NR6A1: variants seen among roughly 807,000 people sequenced by gnomAD.
NR6A1 encodes the protein nuclear receptor subfamily 6 group A member 1.
Under a neutral mutation model 59.1 loss-of-function variants are expected in NR6A1, and 7 were observed. The observed-to-expected ratio is 0.12, with a 90% CI of 0.07 to 0.22. The LOEUF is 0.22. NR6A1 is among the 10% of genes least tolerant of loss of function. The pLI is 1.00. For synonymous variants in NR6A1, 243 were observed against 236.1 expected (o/e 1.03, Z -0.27); for missense variants, 468 against 611.6 (o/e 0.77, Z 2.48).
At chr9:124,737,555 C>G (rs1278249602) in intron 1 of NR6A1, among the ~76,000 whole-genome samples, 1 of 152,206 alleles carries the variant, frequency 6.6e-6, no homozygotes. Context: ...CAAAGGCAAT[C>G]AGAGTTGTTC....
At chr9:124,561,962 C>T (rs930158717) in intron 2 of NR6A1, among the ~76,000 whole-genome samples, 4 of 152,138 alleles carry the variant, frequency 2.6e-5, no homozygotes, top group South Asian at 4.1e-4. Flanking sequence ...ATGTTATTAG[C>T]ACCAGTCAGC....
At chr9:124,714,563 AAAAT>A (rs1408953866) in intron 2 of NR6A1, among the ~76,000 whole-genome samples, 1 of 152,224 alleles carries the variant, frequency 6.6e-6, no homozygotes, top group African/African-American at 2.4e-5. Context: ...TGCAATAAGA[AAAAT>A]AAATAAGTCA....
At chr9:124,624,184 A>G (rs1038188331) in intron 2 of NR6A1, among the ~76,000 whole-genome samples, 6 of 152,190 alleles carry the variant, frequency 3.9e-5, no homozygotes, top group African/African-American at 1.4e-4. Context: ...GGTGACTCAC[A>G]GGGGCAAGAG....
intron 2 of NR6A1, among the ~76,000 whole-genome samples, chr9:124,565,484 A>T (rs10114038): frequency 6.6e-6 from 1 of 152,112 alleles, no homozygotes; most frequent in African/African-American, 2.4e-5. Flanking sequence ...AGCAGCACTA[A>T]CCATAGAAGA....
intron 6 of NR6A1, among the ~76,000 whole-genome samples, chr9:124,537,005 A>G (rs1167124425): frequency 2.0e-5 from 3 of 152,162 alleles, no homozygotes; most frequent in Admixed American, 6.5e-5. Context: ...CACAGACCCA[A>G]GAGTTTCAGC....
At chr9:124,633,334 C>T (rs1438686763) in intron 2 of NR6A1, among the ~76,000 whole-genome samples, 4 of 138,586 alleles carry the variant, frequency 2.9e-5, no homozygotes, top group Non-Finnish European at 6.0e-5. Context: ...ACCCGGGAGG[C>T]GGAGCTTGCA....
intron 2 of NR6A1, among the ~76,000 whole-genome samples, chr9:124,608,844 T>G (rs781602880): frequency 1.6e-4 from 24 of 152,322 alleles, no homozygotes; most frequent in Admixed American, 1.3e-3. Flanking sequence ...TTCTGACTGG[T>G]GTGAGATGGT....
intron 2 of NR6A1, among the ~76,000 whole-genome samples, chr9:124,657,208 G>A (rs1171138599): frequency 3.3e-5 from 5 of 152,090 alleles, no homozygotes; most frequent in African/African-American, 7.2e-5. Flanking sequence ...TAAGACAAGA[G>A]AATAATTCTG....
At chr9:124,725,529 G>C (rs946710251) in intron 2 of NR6A1, among the ~76,000 whole-genome samples, 12 of 152,192 alleles carry the variant, frequency 7.9e-5, no homozygotes, top group South Asian at 2.1e-4. Context: ...AATTAGCAAC[G>C]AAGTATTTCC....
At chr9:124,530,299 C>T (rs1442892594) in intron 7 of NR6A1, among the ~76,000 whole-genome samples, 1 of 152,190 alleles carries the variant, frequency 6.6e-6, no homozygotes, top group African/African-American at 2.4e-5. Context: ...AGCCTAGCAG[C>T]CCCCACTCAG....
intron 2 of NR6A1, among the ~76,000 whole-genome samples, chr9:124,578,355 G>A (rs1206774607): frequency 1.3e-5 from 2 of 152,110 alleles, no homozygotes; most frequent in Non-Finnish European, 2.9e-5. Flanking sequence ...AAACTTAACA[G>A]CCAAACGGAA....
At chr9:124,607,037 T>C (rs1835593927) in intron 2 of NR6A1, 1 of 152,216 alleles carries the variant, frequency 6.6e-6, no homozygotes, top group East Asian at 1.9e-4. Flanking sequence ...TTGGGATACA[T>C]ACTCCAGCAC....
chr9:124,545,368 ATTCTC>A lies in NR6A1; in HGVS notation c.386-1516_386-1512del, dbSNP rs367612468. On this transcript the variant is annotated intron_variant, in intron 3 of 9. Coordinates refer to ENST00000487099, the MANE Select transcript of NR6A1 (RefSeq NM_033334.4). Reference sequence around the variant, plus strand: ...CTTTGAGTTAAAAATCCAAGGTTCTATTCTCAACTTTGCTAGAATCTTAATATTTT... The same window carrying A: ...CTTTGAGTTAAAAATCCAAGGTTCTAAACTTTGCTAGAATCTTAATATTTT... Among the ~76,000 whole-genome samples, 32 of 152,300 alleles carry A rather than the reference ATTCTC, an allele frequency of 2.1e-4. No homozygotes were observed. In the East Asian group the frequency reaches 3.5e-3, roughly 17 times the overall value.
At chr9:124,765,448 G>C (rs187482189) in intron 1 of NR6A1, among the ~76,000 whole-genome samples, 1 of 152,292 alleles carries the variant, frequency 6.6e-6, no homozygotes, top group Non-Finnish European at 1.5e-5. Flanking sequence ...CTTCTGTCAA[G>C]ATAAAAATTT....
At position 124,634,009 on chromosome 9, in the gene NR6A1, C is replaced by A. The variant is rs539861953; in HGVS notation, c.143-79439G>T. 2.0e-5 allele frequency among the ~76,000 whole-genome samples: 3 copies of A among 152,254 alleles called. No individual in the cohort carries two copies. In the South Asian group the frequency reaches 6.2e-4, roughly 32 times the overall value. On this transcript the variant is annotated intron_variant, in intron 2 of 9. Transcript: ENST00000487099. ...GAATGTTTTTGGAATATGATGATAG[C>A]CTCTTGACTTAATATATGTTTTTGG...
At chr9:124,661,180 G>GA (rs951521337) in intron 2 of NR6A1, among the ~76,000 whole-genome samples, 10 of 150,864 alleles carry the variant, frequency 6.6e-5, no homozygotes, top group African/African-American at 9.7e-5. Flanking sequence ...TGGAATACTA[G>GA]AAAAAAAAAC....
In NR6A1 at chr9:124,574,603, C is replaced by T. The variant is rs1354196563; in HGVS notation, c.143-20033G>A. ...AGCAACCTGCCCAAGCCTGCTCCCT[C>T]CCGTTTTCCACCAAGAGTTTGACAA... On this transcript the variant is annotated intron_variant, in intron 2 of 9. Coordinates refer to ENST00000487099, the MANE Select transcript of NR6A1 (RefSeq NM_033334.4). 3.3e-5 allele frequency among the ~76,000 whole-genome samples: 5 copies of T among 152,208 alleles called. No homozygotes were observed. The East Asian group carries it at 9.6e-4, about 29-fold the overall frequency.
intron 3 of NR6A1, among the ~76,000 whole-genome samples, chr9:124,545,652 G>C (rs1397656794): frequency 6.6e-6 from 1 of 152,174 alleles, no homozygotes; most frequent in African/African-American, 2.4e-5. Context: ...CTCATAGGTA[G>C]AGAACAAAGA....
At position 124,771,259 on chromosome 9, in the gene NR6A1, C is replaced by T. The variant is rs1841157791; in HGVS notation, c.-140G>A. ...GCCGCGGCTCTCTCTGGGCCCCGAG[C>T]CGCCCGGCTCCGCGCCGCTCCGCGC... On this transcript the variant is annotated 5_prime_UTR_variant, in exon 1 of 10. Transcript: ENST00000487099. 2 of 422,230 alleles carry T rather than the reference C, an allele frequency of 4.7e-6. No homozygotes were observed. The highest frequency in any genetic ancestry group is 8.0e-6 in the Non-Finnish European group (2 of 249,274). 26.2% of individuals were successfully genotyped at this position (422,230 alleles called of 1,614,324 possible). A position where few individuals can be genotyped will look rare whatever the true frequency, so the allele number is the denominator to read the frequency against.
Sources: allele counts gnomAD v4.1 joint callset (sites outside exome capture counted in the v4.1 genomes callset), GRCh38; gene constraint gnomAD v4.1.1; transcripts MANE v1.5; gene names NCBI Gene and HGNC (gene_info 2026-07-23, HGNC 2026-07-21).